Variants in PRKCH observed in about 807,000 individuals in gnomAD.
PRKCH encodes protein kinase C eta type.
Under a neutral mutation model 82.5 loss-of-function variants are expected in PRKCH, and 28 were observed. The ratio of observed to expected loss-of-function variants is 0.34; its 90% CI spans 0.25 to 0.47. The LOEUF is 0.47. PRKCH is among the 20% of genes least tolerant of loss of function. The pLI is 1.00. For synonymous variants in PRKCH, 322 were observed against 327.4 expected, an observed-to-expected ratio of 0.98 and a Z score of 0.18; for missense variants, 705 against 881.8, an observed-to-expected ratio of 0.80 and a Z score of 2.54.
At position 61,197,572 on chromosome 14, in the gene PRKCH, C is replaced by T. The variant is rs117689164; in HGVS notation, c.-19+9904C>T. Among the ~76,000 whole-genome samples the T allele has an allele frequency of 6.8e-3, 1,034 of 152,238 alleles. 4 individuals carry two copies. Among genetic ancestry groups the T allele is most frequent in the Non-Finnish European group, 9.0e-3 (612 of 68,012 alleles). ...CTCTCTTCCTCTGCTTCTAGAGCCA[C>T]CAGTTCCCCTCCCATGATAACTCAT... On this transcript the variant is annotated intron_variant, in intron 1 of 3. Transcript: ENST00000555185.
At chr14:61,429,366 A>G (rs1382917304) in intron 2 of PRKCH, among the ~76,000 whole-genome samples, 1 of 152,234 alleles carries the variant, frequency 6.6e-6, no homozygotes, top group African/African-American at 2.4e-5. Flanking sequence ...CTGTTTCTCA[A>G]AGACAGATGG....
intron 1 of PRKCH, among the ~76,000 whole-genome samples, chr14:61,286,353 G>C (rs770872697): frequency 2.6e-5 from 4 of 152,156 alleles, no homozygotes; most frequent in Non-Finnish European, 5.9e-5. Context: ...TTATGGAGTG[G>C]TACCCCCTAG....
At chr14:61,225,500 C>T (rs774111216) in intron 1 of PRKCH, among the ~76,000 whole-genome samples, 40 of 152,174 alleles carry the variant, frequency 2.6e-4, no homozygotes, top group Non-Finnish European at 1.9e-4. Flanking sequence ...ACACTGAGCG[C>T]AGAACACCCA....
chr14:61,247,671 G>A (rs562807065), intron 1 of PRKCH, among the ~76,000 whole-genome samples: 2 of 134,860 alleles, frequency 1.5e-5, no homozygotes, highest in African/African-American at 5.3e-5. Context: ...TGGAGGCGGA[G>A]GTTACAGTGA....
At chr14:61,420,065 C>T (rs1566871758) in intron 2 of PRKCH, among the ~76,000 whole-genome samples, 1 of 152,180 alleles carries the variant, frequency 6.6e-6, no homozygotes. Flanking sequence ...GTGAGTGGGC[C>T]AGCACCTGCA....
At chr14:61,318,101 T>TCTCA (rs1205011635), upstream of PRKCH, among the ~76,000 whole-genome samples, 10 of 151,854 alleles carry the variant, frequency 6.6e-5, no homozygotes, top group African/African-American at 1.7e-4. Context: ...TGAGACAGGA[T>TCTCA]CTCACTCTGT....
At position 61,194,131 on chromosome 14, in the gene PRKCH, T is replaced by C. The variant is rs114238474; in HGVS notation, c.-19+6463T>C. ...TTCCATTTCCTACTCTCTATTTGCT[T>C]GTTGTTATATATTCTTTAGTTATTC... On this transcript the variant is annotated intron_variant, in intron 1 of 3. Coordinates refer to the PRKCH transcript ENST00000555185. 7.9e-3 allele frequency among the ~76,000 whole-genome samples: 1,204 copies of C among 152,356 alleles called. 19 individuals carry two copies. The highest frequency in any genetic ancestry group is 0.027 in the African/African-American group (1,134 of 41,580).
chr14:61,505,395 C>CTTTTTTTTTTTTTTTT (rs60304150), intron 10 of PRKCH, among the ~76,000 whole-genome samples: 8 of 55,764 alleles, frequency 1.4e-4, no homozygotes, highest in South Asian at 1.2e-3. Flanking sequence ...CTTTTCTTTT[C>CTTTTTTTTTTTTTTTT]TTTTTTTTTT....
At chr14:61,538,155 C>T (rs2043136748) in intron 12 of PRKCH, among the ~76,000 whole-genome samples, 3 of 152,222 alleles carry the variant, frequency 2.0e-5, no homozygotes, top group African/African-American at 7.2e-5. Context: ...AACCCCAGAT[C>T]ATTAGGGCTG....
At chr14:61,275,058 A>G (rs2140088213) in intron 1 of PRKCH, among the ~76,000 whole-genome samples, 1 of 152,326 alleles carries the variant, frequency 6.6e-6, no homozygotes, top group African/African-American at 2.4e-5. Flanking sequence ...TGAATAGGAA[A>G]TGTTTCCTTT....
intron 2 of PRKCH, among the ~76,000 whole-genome samples, chr14:61,420,181 A>ACGTGTGTGTGTG (rs1291961301): frequency 1.2e-3 from 176 of 151,972 alleles, no homozygotes; most frequent in African/African-American, 4.0e-3. Flanking sequence ...GTGCCTCTGT[A>ACGTGTGTGTGTG]CGTGTGTGTG....
At chr14:61,303,690 T>G (rs2045464011) in intron 1 of PRKCH, 1 of 152,036 alleles carries the variant, frequency 6.6e-6, no homozygotes, top group Non-Finnish European at 1.5e-5. Flanking sequence ...TAATTATTGA[T>G]TTGGTAGGAT....
At chr14:61,269,611 C>T (rs1172706951) in intron 1 of PRKCH, among the ~76,000 whole-genome samples, 3 of 152,102 alleles carry the variant, frequency 2.0e-5, no homozygotes, top group African/African-American at 4.8e-5. Context: ...TGAGAACATG[C>T]GGTATTTGGT....
chr14:61,520,015 A>C (rs1193047212), intron 10 of PRKCH, among the ~76,000 whole-genome samples: 1 of 151,340 alleles, frequency 6.6e-6, no homozygotes, highest in African/African-American at 2.4e-5. Context: ...ACTCTGACCA[A>C]TGGGTCCTTT....
At chr14:61,247,597 A>G (rs1320709529) in intron 1 of PRKCH, among the ~76,000 whole-genome samples, 1 of 151,922 alleles carries the variant, frequency 6.6e-6, no homozygotes, top group Admixed American at 6.6e-5. Flanking sequence ...TTAGCCAGGT[A>G]TAGTGGCATG....
intron 1 of PRKCH, among the ~76,000 whole-genome samples, chr14:61,261,449 A>G (rs2045042981): frequency 6.6e-6 from 1 of 152,128 alleles, no homozygotes; most frequent in Admixed American, 6.5e-5. Context: ...CCATTCCCAA[A>G]AAGATTATTC....
chr14:61,295,823 C>T (rs886992095), intron 1 of PRKCH, among the ~76,000 whole-genome samples: 2 of 123,390 alleles, frequency 1.6e-5, no homozygotes, highest in Non-Finnish European at 3.8e-5. Flanking sequence ...ATGCTCTCTG[C>T]ATAAAGTGAT....
In PRKCH at chr14:61,242,078, CA is replaced by C. The variant is rs2044844253; in HGVS notation, c.-19+54414del. On this transcript the variant is annotated intron_variant, in intron 1 of 3. Coordinates refer to the PRKCH transcript ENST00000555185. ...GGGGAAAGAATAACAACAGCAGCAA[CA>C]AAAGTTAAACAAATAGTGAGGTGAT... 3.9e-5 allele frequency among the ~76,000 whole-genome samples: 6 copies of C among 152,108 alleles called. No homozygotes were observed. In the South Asian group the frequency reaches 1.2e-3, roughly 32 times the overall value.
chr14:61,476,517 T>A (rs1461005269), intron 9 of PRKCH: 1 of 152,224 alleles, frequency 6.6e-6, no homozygotes, highest in African/African-American at 2.4e-5. Flanking sequence ...TTAAAGAACA[T>A]CCTGGCCTGG....
Sources: gnomAD v4.1 joint callset for allele counts (sites outside exome capture counted in the v4.1 genomes callset) on GRCh38, gnomAD v4.1.1 for gene constraint, MANE v1.5 for transcripts, NCBI Gene and HGNC (gene_info 2026-07-23, HGNC 2026-07-21) for gene names.